ZNF521: variants seen among roughly 807,000 people sequenced by gnomAD.
ZNF521 encodes LYST-interacting protein 3.
ZNF521 carries 14 observed loss-of-function variants against 105.5 expected under a neutral mutation model. The observed-to-expected ratio is 0.13, with a 90% CI of 0.09 to 0.21. The LOEUF is 0.21. ZNF521 is among the 10% of genes least tolerant of loss of function. The pLI is 1.00. For missense variants in ZNF521, 1,233 were observed against 1,629.7 expected (o/e 0.76, Z 4.19); for synonymous variants, 635 against 606.0 (o/e 1.05, Z -0.70).
chr18:25,075,476 G>T (rs574897605), intron 7 of ZNF521, among the ~76,000 whole-genome samples: 1 of 152,318 alleles, frequency 6.6e-6, no homozygotes, highest in African/African-American at 2.4e-5. Flanking sequence ...TGTTGCTCCT[G>T]TGAGTTTGCT....
chr18:25,293,069 A>C (rs1911126665), intron 3 of ZNF521, among the ~76,000 whole-genome samples: 1 of 152,136 alleles, frequency 6.6e-6, no homozygotes, highest in African/African-American at 2.4e-5. Flanking sequence ...TTTATTCCTA[A>C]GTCAATATTT....
Position 25,062,745 on chromosome 18 carries a change from TAAATAA to T in ZNF521, c.3907-10_3907-5del. ...TGTGTTGGGTCATTGTATGATTCTG[TAAATAA>T]CAAAAAAAAAAAAAAAAAAAAAAAA... On this transcript the variant is annotated splice_region_variant and splice_polypyrimidine_tract_variant and intron_variant, in intron 7 of 7. Transcript: ENST00000361524. 1.1e-6 allele frequency: 1 copy of T among 936,796 alleles called. No individual in the cohort carries two copies. The highest frequency in any genetic ancestry group is 1.5e-6 in the Non-Finnish European group (1 of 685,066). 58.0% of individuals were successfully genotyped at this position (936,796 alleles called of 1,614,324 possible).
At chr18:25,117,976 T>G (rs1164429805) in intron 5 of ZNF521, among the ~76,000 whole-genome samples, 1 of 151,916 alleles carries the variant, frequency 6.6e-6, no homozygotes, top group Non-Finnish European at 1.5e-5. Context: ...AGGGAACATT[T>G]TAAAAGCAGG....
intron 4 of ZNF521, among the ~76,000 whole-genome samples, chr18:25,210,602 G>A (rs537008457): frequency 3.3e-5 from 5 of 152,294 alleles, no homozygotes; most frequent in Admixed American, 6.5e-5. Context: ...GTGTGGCTCT[G>A]AGAACCTGTA....
intron 4 of ZNF521, among the ~76,000 whole-genome samples, chr18:25,207,188 A>C (rs2036096412): frequency 6.6e-6 from 1 of 152,180 alleles, no homozygotes; most frequent in East Asian, 1.9e-4. Flanking sequence ...CATCTATTTC[A>C]AATTTCCTCA....
Position 25,339,714 on chromosome 18 carries a change from GACACCAA to G in ZNF521, c.40+11186_40+11192del, listed in dbSNP as rs141685833. On this transcript the variant is annotated intron_variant, in intron 2 of 7. Coordinates refer to ENST00000361524, the MANE Select transcript of ZNF521 (RefSeq NM_015461.3). ...AGGTTACGGGGATTCAAAGAAAAGGGACACCAAACTGTTCTCAAAAGGCTTATAGAGA... is the reference window on the plus strand; with the variant it reads ...AGGTTACGGGGATTCAAAGAAAAGGGACTGTTCTCAAAAGGCTTATAGAGA... Among the ~76,000 whole-genome samples the G allele has an allele frequency of 2.6e-3, 399 of 152,282 alleles. 2 individuals carry two copies. The highest frequency in any genetic ancestry group is 9.2e-3 in the African/African-American group (383 of 41,552).
chr18:25,206,603 T>C (rs1456631537), intron 4 of ZNF521, among the ~76,000 whole-genome samples: 2 of 152,172 alleles, frequency 1.3e-5, no homozygotes, highest in Non-Finnish European at 1.5e-5. Context: ...GTGCCCAAAT[T>C]ACCTTTGTTC....
At chr18:25,065,179 T>C (rs1326272538) in intron 7 of ZNF521, among the ~76,000 whole-genome samples, 1 of 152,174 alleles carries the variant, frequency 6.6e-6, no homozygotes. Flanking sequence ...GGTTTTTTAT[T>C]TTTAAAAAGT....
intron 5 of ZNF521, among the ~76,000 whole-genome samples, chr18:25,093,132 G>C (rs952907398): frequency 6.6e-6 from 1 of 151,154 alleles, no homozygotes; most frequent in East Asian, 1.9e-4. Context: ...GAGGCGCAGA[G>C]AGTTTAAGTA....
At chr18:25,122,574 T>C (rs1482205740) in intron 5 of ZNF521, among the ~76,000 whole-genome samples, 1 of 152,198 alleles carries the variant, frequency 6.6e-6, no homozygotes, top group African/African-American at 2.4e-5. Flanking sequence ...AGTGAGTGAC[T>C]TTTAGAATAT....
At chr18:25,071,591 G>GT (rs1339992915) in intron 7 of ZNF521, among the ~76,000 whole-genome samples, 1 of 152,160 alleles carries the variant, frequency 6.6e-6, no homozygotes, top group Non-Finnish European at 1.5e-5. Flanking sequence ...ACACCTGTAA[G>GT]TAATACTGCA....
chr18:25,321,525 G>C (rs1912933946), intron 3 of ZNF521, among the ~76,000 whole-genome samples: 1 of 152,188 alleles, frequency 6.6e-6, no homozygotes, highest in African/African-American at 2.4e-5. Flanking sequence ...ATGGAAAAAT[G>C]AACATACCCA....
intron 3 of ZNF521, among the ~76,000 whole-genome samples, chr18:25,319,858 T>C (rs1050598149): frequency 1.7e-4 from 26 of 152,192 alleles, no homozygotes; most frequent in Admixed American, 5.9e-4. Flanking sequence ...GATTCAGGCT[T>C]CTTTGGAGCC....
chr18:25,093,194 G>T (rs922492685), intron 5 of ZNF521, among the ~76,000 whole-genome samples: 2 of 152,076 alleles, frequency 1.3e-5, no homozygotes, highest in Non-Finnish European at 2.9e-5. Flanking sequence ...GAACTTGAAC[G>T]CAGGCAGTCT....
At chr18:25,095,663 C>T (rs2033836971) in intron 5 of ZNF521, among the ~76,000 whole-genome samples, 1 of 152,044 alleles carries the variant, frequency 6.6e-6, no homozygotes, top group Non-Finnish European at 1.5e-5. Context: ...AGACTGATTA[C>T]AACACTGAAA....
At chr18:25,342,580 C>T (rs1268879124) in intron 2 of ZNF521, among the ~76,000 whole-genome samples, 1 of 141,880 alleles carries the variant, frequency 7.0e-6, no homozygotes, top group Non-Finnish European at 1.6e-5. Context: ...AGGCGCCCGT[C>T]ACCACGCCCG....
rs187302073 is a variant in ZNF521, at chr18:25,113,810, G to A, written c.3659-21729C>T. 5.5e-3 allele frequency among the ~76,000 whole-genome samples: 379 copies of A among 68,722 alleles called. 5 individuals are homozygous for A. Among genetic ancestry groups the A allele is most frequent in the African/African-American group, 0.019 (357 of 18,902 alleles). The allele number at this position is 68,722 out of a possible 152,430, so 45.1% of individuals were successfully genotyped here. ...CACACACACAGAGACGGGGGAGAGA[G>A]CAGGGCCTTACAGAAATCTTCTAGC... On this transcript the variant is annotated intron_variant, in intron 5 of 7. Coordinates refer to ENST00000361524, the MANE Select transcript of ZNF521 (RefSeq NM_015461.3).
In ZNF521 at chr18:25,064,212, G is replaced by C. The variant is rs2032989488; in HGVS notation, c.3907-1471C>G. Among the ~76,000 whole-genome samples the C allele has an allele frequency of 1.3e-5, 2 of 152,288 alleles. 1 individual carries two copies. The highest frequency in any genetic ancestry group is 4.1e-4 in the South Asian group (2 of 4,830). On this transcript the variant is annotated intron_variant, in intron 7 of 7. Coordinates refer to ENST00000361524, the MANE Select transcript of ZNF521 (RefSeq NM_015461.3). ...TCAAAGTGCTCACAGTCTAAAGAAGGTCATGTGGGTACATAAAAGTAAAGC... is the reference window on the plus strand; with the variant it reads ...TCAAAGTGCTCACAGTCTAAAGAAGCTCATGTGGGTACATAAAAGTAAAGC...
At chr18:25,258,117 C>T (rs1902996463) in intron 3 of ZNF521, among the ~76,000 whole-genome samples, 1 of 152,156 alleles carries the variant, frequency 6.6e-6, no homozygotes, top group African/African-American at 2.4e-5. Context: ...GATAACGAGG[C>T]ACTCTCATAA....
Sources: allele counts gnomAD v4.1 joint callset (sites outside exome capture counted in the v4.1 genomes callset), GRCh38; gene constraint gnomAD v4.1.1; transcripts MANE v1.5; gene names NCBI Gene and HGNC (gene_info 2026-07-23, HGNC 2026-07-21).